The following GARRE1 variants were observed in gnomAD, a reference collection of about 807,000 sequenced individuals.
GARRE1 encodes the protein granule associated Rac and RHOG effector 1, also known as granule associated Rac and RHOG effector protein 1.
Under a neutral mutation model 103.2 loss-of-function variants are expected in GARRE1, and 49 were observed. The ratio of observed to expected loss-of-function variants is 0.47; its 90% CI spans 0.38 to 0.60. The LOEUF (loss-of-function observed/expected upper bound fraction) is 0.60, where lower values mean the gene tolerates loss of function less well. GARRE1 is among the 20% of genes least tolerant of loss of function. GARRE1 has a pLI of 0.00. For synonymous variants in GARRE1, 505 were observed against 532.8 expected, an observed-to-expected ratio of 0.95 and a Z score of 0.72; for missense variants, 1,199 against 1,370.5, an observed-to-expected ratio of 0.87 and a Z score of 1.98.
chr19:34,296,448 A>T, intron 1 of GARRE1: 2 of 1,590,734 alleles, frequency 1.3e-6, no homozygotes, highest in East Asian at 2.2e-5. Context: ...GGGGTGGGCA[A>T]TGTAGGCAAG....
At chr19:34,281,575 C>A (rs1306626124) in intron 1 of GARRE1, among the ~76,000 whole-genome samples, 1 of 152,118 alleles carries the variant, frequency 6.6e-6, no homozygotes, top group Admixed American at 6.6e-5. Flanking sequence ...AGTCATGAGC[C>A]ACTGCACCTG....
chr19:34,262,238 C>G (rs1006606870), intron 1 of GARRE1, among the ~76,000 whole-genome samples: 7 of 144,054 alleles, frequency 4.9e-5, no homozygotes, highest in African/African-American at 1.7e-4. Flanking sequence ...CCACCTTGGT[C>G]TCCCAAAGTG....
chr19:34,258,015 G>A (rs1160233909), intron 1 of GARRE1, among the ~76,000 whole-genome samples: 1 of 150,816 alleles, frequency 6.6e-6, no homozygotes, highest in South Asian at 2.1e-4. Context: ...TCAGCCTCCC[G>A]AGTAGCTGGG....
At chr19:34,292,970 A>G (rs796969008) in intron 1 of GARRE1, among the ~76,000 whole-genome samples, 3 of 152,186 alleles carry the variant, frequency 2.0e-5, no homozygotes, top group African/African-American at 7.2e-5. Flanking sequence ...CTGCCTCCCA[A>G]AGTGCTGGGA....
At chr19:34,311,001 C>A (rs920974929) in intron 2 of GARRE1, among the ~76,000 whole-genome samples, 1 of 151,824 alleles carries the variant, frequency 6.6e-6, no homozygotes, top group Non-Finnish European at 1.5e-5. Flanking sequence ...TTTCTGCCCC[C>A]GCCCCCCCGC....
chr19:34,267,526 A>G (rs1489575719), intron 1 of GARRE1, among the ~76,000 whole-genome samples: 2 of 152,102 alleles, frequency 1.3e-5, no homozygotes, highest in Admixed American at 6.6e-5. Flanking sequence ...CTTTAAAAAA[A>G]TAAGTAAAAA....
intron 1 of GARRE1, among the ~76,000 whole-genome samples, chr19:34,274,261 C>T (rs546607779): frequency 2.0e-5 from 3 of 152,042 alleles, no homozygotes; most frequent in Non-Finnish European, 4.4e-5. Flanking sequence ...CAAAATTAGC[C>T]GGGTGTTGTG....
intron 1 of GARRE1, among the ~76,000 whole-genome samples, chr19:34,298,081 A>G (rs1000079598): frequency 6.6e-5 from 10 of 152,206 alleles, no homozygotes; most frequent in African/African-American, 2.4e-4. Context: ...AAACCTGGTT[A>G]TCAATAAGTA....
At chr19:34,324,836 A>G (rs893005137) in intron 3 of GARRE1, among the ~76,000 whole-genome samples, 5 of 152,260 alleles carry the variant, frequency 3.3e-5, no homozygotes, top group African/African-American at 9.6e-5. Context: ...GTTGAATTTG[A>G]AGCGTGTGAT....
At chr19:34,307,612 TATATATACTTATATATAC>T (rs1174124807) in intron 2 of GARRE1, among the ~76,000 whole-genome samples, 20 of 143,650 alleles carry the variant, frequency 1.4e-4, no homozygotes, top group African/African-American at 4.5e-4. Context: ...CACACATACA[TATATATACTTATATATAC>T]ATATATACTT....
At chr19:34,333,410 G>T (rs552923942) in intron 7 of GARRE1, among the ~76,000 whole-genome samples, 10 of 152,276 alleles carry the variant, frequency 6.6e-5, no homozygotes, top group African/African-American at 2.4e-4. Context: ...GATAAAGGAC[G>T]CAAATTAATT....
chr19:34,349,295 G>A (rs938929669), intron 12 of GARRE1, 142 bp downstream of exon 12: 49 of 795,252 alleles, frequency 6.2e-5, no homozygotes, highest in Non-Finnish European at 9.5e-5. Flanking sequence ...ATGCCTGGCT[G>A]AAGCCTCTGA....
chr19:34,259,145 G>A (rs374289331), intron 1 of GARRE1, among the ~76,000 whole-genome samples: 1 of 152,200 alleles, frequency 6.6e-6, no homozygotes, highest in African/African-American at 2.4e-5. Flanking sequence ...TCCAGCCCAA[G>A]CAACAGAGCG....
At chr19:34,327,293 T>A in intron 3 of GARRE1, 128 bp from the exon 4 acceptor site, 2 of 852,430 alleles carry the variant, frequency 2.3e-6, no homozygotes, top group Non-Finnish European at 3.6e-6. Flanking sequence ...AACTTCTAGT[T>A]TATTTGCTTA....
chr19:34,307,818 T>A (rs58086977), intron 2 of GARRE1, among the ~76,000 whole-genome samples: 90,560 of 133,534 alleles, frequency 0.68, 31,406 homozygotes, highest in Middle Eastern at 0.76. Flanking sequence ...ATATATATTT[T>A]TTTTTTTTTT....
In GARRE1 at chr19:34,341,579, T is replaced by C; in HGVS notation, c.1645T>C (p.Cys549Arg). The C allele has an allele frequency of 6.2e-7, 1 of 1,614,206 alleles. No homozygotes were observed. Among genetic ancestry groups the C allele is most frequent in the Non-Finnish European group, 8.5e-7 (1 of 1,180,034 alleles). The change falls in exon 10 of 14, where the codon TGT becomes CGT. Residue 549 changes from cysteine to arginine, a missense_variant. Transcript: ENST00000299505. The stretch of plus-strand genomic sequence containing the variant: ...ATCCCGGTTCACCAAGAAAGCTTCA[T>C]GTACCAGCTCCAGCAGCAGCACAAA... ...LTSRFTKKASCTSSSSSTNYS... is the reference protein window; with the variant it reads ...LTSRFTKKASRTSSSSSTNYS...
At chr19:34,254,676 T>TGGGCAGCG (rs1408112612) in intron 1 of GARRE1, 62 bp downstream of exon 1, 1 of 91,214 alleles carries the variant, frequency 1.1e-5, no homozygotes, top group Non-Finnish European at 2.3e-5. Context: ...CGGTGGGCGG[T>TGGGCAGCG]GGGCAGCGGG....
intron 1 of GARRE1, among the ~76,000 whole-genome samples, chr19:34,264,825 G>GTGAC (rs1400961755): frequency 6.6e-6 from 1 of 152,178 alleles, no homozygotes; most frequent in African/African-American, 2.4e-5. Flanking sequence ...ATGGCTATGA[G>GTGAC]GTGTTCTGTG....
chr19:34,303,015 G>T (rs1016170101), intron 2 of GARRE1, among the ~76,000 whole-genome samples: 7 of 152,054 alleles, frequency 4.6e-5, no homozygotes, highest in Admixed American at 6.6e-5. Flanking sequence ...AAAGTGCTAG[G>T]ATTACAGGTG....
Sources: gnomAD v4.1 joint callset for allele counts (sites outside exome capture counted in the v4.1 genomes callset) on GRCh38, gnomAD v4.1.1 for gene constraint, MANE v1.5 for transcripts, NCBI Gene and HGNC (gene_info 2026-07-23, HGNC 2026-07-21) for gene names.